PSD3: variants seen among roughly 807,000 people sequenced by gnomAD.
PSD3 encodes PH and SEC7 domain-containing protein 3.
PSD3 carries 49 observed loss-of-function variants against 105.5 expected under a neutral mutation model. The ratio of observed to expected loss-of-function variants is 0.46; its 90% CI spans 0.37 to 0.59. The LOEUF (loss-of-function observed/expected upper bound fraction) is 0.59, where lower values mean the gene tolerates loss of function less well. PSD3 is among the 20% of genes least tolerant of loss of function. The pLI is 0.00. For missense variants in PSD3, 1,561 were observed against 1,263.8 expected, an observed-to-expected ratio of 1.24 and a Z score of -3.57; for synonymous variants, 557 against 457.8, an observed-to-expected ratio of 1.22 and a Z score of -2.77.
At chr8:18,969,905 C>A (rs986643193) in intron 1 of PSD3, among the ~76,000 whole-genome samples, 1 of 152,090 alleles carries the variant, frequency 6.6e-6, no homozygotes, top group African/African-American at 2.4e-5. Context: ...TTTTTTAAAA[C>A]AGTGCGCAAA....
At chr8:19,060,832 A>C (rs1453675349) in intron 1 of PSD3, among the ~76,000 whole-genome samples, 1 of 152,218 alleles carries the variant, frequency 6.6e-6, no homozygotes, top group East Asian at 1.9e-4. Flanking sequence ...ACATGGAAGC[A>C]ACCAGTCATG....
chr8:18,905,194 A>C (rs1054147174), intron 2 of PSD3, among the ~76,000 whole-genome samples: 2 of 152,192 alleles, frequency 1.3e-5, no homozygotes, highest in African/African-American at 4.8e-5. Context: ...CCCCTAAGTT[A>C]CATGATCACC....
intron 11 of PSD3, among the ~76,000 whole-genome samples, chr8:18,604,715 T>C (rs1408198585): frequency 6.6e-6 from 1 of 152,180 alleles, no homozygotes; most frequent in East Asian, 1.9e-4. Flanking sequence ...AATGGTTTCA[T>C]GGGCCAGAGC....
chr8:18,629,517 A>G (rs976973548), intron 11 of PSD3, among the ~76,000 whole-genome samples: 4 of 152,040 alleles, frequency 2.6e-5, no homozygotes, highest in Non-Finnish European at 5.9e-5. Flanking sequence ...TTATTAAGCA[A>G]TAAGAAGAGA....
intron 1 of PSD3, among the ~76,000 whole-genome samples, chr8:19,009,846 G>T (rs1041399618): frequency 2.0e-5 from 3 of 152,078 alleles, no homozygotes; most frequent in African/African-American, 7.2e-5. Flanking sequence ...AGCTGAGATC[G>T]CACCATTGCA....
intron 9 of PSD3, chr8:18,732,876 C>T (rs141500685): frequency 6.6e-6 from 1 of 151,452 alleles, no homozygotes; most frequent in African/African-American, 2.4e-5. Context: ...TTGTGAACCA[C>T]GATAATATAA....
At chr8:18,804,412 C>G in intron 6 of PSD3, 110 bp downstream of exon 6, 1 of 859,534 alleles carries the variant, frequency 1.2e-6, no homozygotes, top group Non-Finnish European at 1.7e-6. Context: ...TCCACCTATA[C>G]ATGGAGGTTT....
intron 1 of PSD3, among the ~76,000 whole-genome samples, chr8:18,954,513 C>T (rs1388354027): frequency 6.6e-6 from 1 of 151,998 alleles, no homozygotes; most frequent in Non-Finnish European, 1.5e-5. Flanking sequence ...TGTTTAGTTC[C>T]CTAATCTAGA....
chr8:18,783,111 G>A (rs1206097892), intron 8 of PSD3, among the ~76,000 whole-genome samples: 2 of 152,142 alleles, frequency 1.3e-5, no homozygotes, highest in African/African-American at 4.8e-5. Flanking sequence ...CACAAGTAAA[G>A]CCATTTGATC....
At chr8:19,013,460 C>T in intron 1 of PSD3, 103 bp downstream of exon 1, 3 of 1,509,814 alleles carry the variant, frequency 2.0e-6, no homozygotes, top group Non-Finnish European at 2.7e-6. Context: ...CAGGTGGCCC[C>T]GGGATCCTGG....
intron 10 of PSD3, among the ~76,000 whole-genome samples, chr8:18,647,891 CT>C (rs368481263): frequency 2.5e-4 from 38 of 152,262 alleles, no homozygotes; most frequent in African/African-American, 9.1e-4. Context: ...CTCTCTCTTC[CT>C]CTTGCTCCGG....
chr8:18,579,157 T>G (rs977830126), intron 12 of PSD3, among the ~76,000 whole-genome samples: 10 of 131,802 alleles, frequency 7.6e-5, no homozygotes, highest in African/African-American at 3.0e-4. Flanking sequence ...AAGAGTAGAG[T>G]GGAAACATTA....
At chr8:18,916,948 C>G (rs1433920042) in intron 2 of PSD3, among the ~76,000 whole-genome samples, 1 of 151,864 alleles carries the variant, frequency 6.6e-6, no homozygotes, top group Non-Finnish European at 1.5e-5. Context: ...TATAAAATCT[C>G]TTCCCTCTAG....
At position 18,871,655 on chromosome 8, in the gene PSD3, C is replaced by A; in HGVS notation, c.1209G>T (p.Lys403Asn). Residue 403 changes from lysine to asparagine, a missense_variant, in exon 3 of 16, where the codon AAG becomes AAT. Coordinates refer to ENST00000327040, the MANE Select transcript of PSD3 (RefSeq NM_015310.4). ...CCCTGTCTCTCTCTGGTTTAGGTGT[C>A]TTCTCAAGATGCTGTTTGTTTTCCT... is the stretch of plus-strand genomic sequence containing the variant. Reference protein sequence around the residue: ...FLQENKQHLEKTPKPERDRER... With the variant: ...FLQENKQHLENTPKPERDRER... 1 of 1,611,860 alleles carries A rather than the reference C, an allele frequency of 6.2e-7. No individual in the cohort carries two copies.
intron 8 of PSD3, 23 bp from the exon 9 acceptor site, chr8:18,765,561 A>C (rs530436154): frequency 2.7e-6 from 4 of 1,490,954 alleles, no homozygotes; most frequent in Non-Finnish European, 3.7e-6. Flanking sequence ...CAAACAGTAC[A>C]TCACTATGAC....
At chr8:19,082,035 G>T in intron 1 of PSD3, among the ~76,000 whole-genome samples, 1 of 152,302 alleles carries the variant, frequency 6.6e-6, no homozygotes, top group East Asian at 1.9e-4. Flanking sequence ...GATACTTTGC[G>T]ACAATTCATA....
chr8:18,910,188 G>C (rs548847666), intron 2 of PSD3, among the ~76,000 whole-genome samples: 1 of 151,150 alleles, frequency 6.6e-6, no homozygotes, highest in Middle Eastern at 3.2e-3. Context: ...ACATGCACAC[G>C]TATGTTTATT....
At chr8:18,820,483 T>C (rs1812604750) in intron 4 of PSD3, among the ~76,000 whole-genome samples, 1 of 152,148 alleles carries the variant, frequency 6.6e-6, no homozygotes, top group Non-Finnish European at 1.5e-5. Flanking sequence ...GCACTCAGTA[T>C]TTAAATATAA....
At chr8:18,788,934 AGGAGG>A (rs1240871743) in intron 8 of PSD3, among the ~76,000 whole-genome samples, 16 of 152,134 alleles carry the variant, frequency 1.1e-4, no homozygotes, top group African/African-American at 3.6e-4. Context: ...TGGGGGGCAA[AGGAGG>A]ACCCTTTGTA....
Sources: gnomAD v4.1 joint callset for allele counts (sites outside exome capture counted in the v4.1 genomes callset) on GRCh38, gnomAD v4.1.1 for gene constraint, MANE v1.5 for transcripts, NCBI Gene and HGNC (gene_info 2026-07-23, HGNC 2026-07-21) for gene names.